The following OR5B3 variants were observed in gnomAD, a reference collection of about 807,000 sequenced individuals.
OR5B3 encodes olfactory receptor family 5 subfamily B member 3.
For missense variants in OR5B3, 430 were observed against 375.4 expected, an observed-to-expected ratio of 1.15 and a Z score of -1.20; for synonymous variants, 150 against 135.0, an observed-to-expected ratio of 1.11 and a Z score of -0.77.
chr11:58,406,199 G>GAGAC (rs10699787), intron 1 of OR5B3, among the ~76,000 whole-genome samples: 48,685 of 151,746 alleles, frequency 0.32, 7,868 homozygotes, highest in Non-Finnish European at 0.36. Flanking sequence ...GAGAGAGAAA[G>GAGAC]AGAGAGAGAG....
In OR5B3 at chr11:58,402,588, C is replaced by T. The variant is rs1042294590; in HGVS notation, c.822G>A (p.Val274=). The T allele has an allele frequency of 2.5e-6, 4 of 1,613,490 alleles. No individual in the cohort carries two copies. In the African/African-American group the frequency reaches 5.3e-5, roughly 22 times the overall value. The part of the protein sequence containing the change: ...HSMDTDKMAP[V]FYTMVIPMLN... Reference sequence around the variant, plus strand: ...GCATGGGGATGACCATTGTATAGAACACAGGTGCCATTTTGTCTGTGTCCA... The same window carrying T: ...GCATGGGGATGACCATTGTATAGAATACAGGTGCCATTTTGTCTGTGTCCA... The change falls in exon 2 of 2, where the codon GTG becomes GTA. Residue 274 remains valine, a synonymous_variant. Transcript: ENST00000641865.
In OR5B3 at chr11:58,402,786, A is replaced by G; in HGVS notation, c.624T>C (p.Ala208=). 1 of 1,613,880 alleles carries G rather than the reference A, an allele frequency of 6.2e-7. No individual in the cohort carries two copies. The highest frequency in any genetic ancestry group is 1.1e-5 in the South Asian group (1 of 91,080). Reference sequence around the variant, plus strand: ...TGTAGGATATCAAGATAACCAGGAGAGCTATAAAGATATTGAAGCTCACAA... The same window carrying G: ...TGTAGGATATCAAGATAACCAGGAGGGCTATAAAGATATTGAAGCTCACAA... ...IYVVSFNIFI[A]LLVILISYTF... is the part of the protein sequence containing the mutation. The change falls in exon 2 of 2, where the codon GCT becomes GCC. Residue 208 remains alanine (A), a synonymous_variant. Transcript: ENST00000641865.
In OR5B3 at chr11:58,403,206, G is replaced by A. The variant is rs1253132287; in HGVS notation, c.204C>T (p.Asp68=). 16 of 1,613,740 alleles carry A rather than the reference G, an allele frequency of 9.9e-6. No individual in the cohort carries two copies. Among genetic ancestry groups the A allele is most frequent in the Non-Finnish European group, 1.4e-5 (16 of 1,179,868 alleles). ...YFFLSNLSLV[D]FCYSSAVTPI... ...GAGTGACAGCTGAAGAGTAGCAAAAGTCCACTAGAGACAAGTTACTGAGAA... is the reference window on the plus strand; with the variant it reads ...GAGTGACAGCTGAAGAGTAGCAAAAATCCACTAGAGACAAGTTACTGAGAA... Residue 68 remains aspartate (D), a synonymous_variant, in exon 2 of 2, where the codon GAC becomes GAT. Coordinates refer to ENST00000641865, the MANE Select transcript of OR5B3 (RefSeq NM_001005469.2).
intron 1 of OR5B3, among the ~76,000 whole-genome samples, chr11:58,404,547 A>G (rs1185886848): frequency 6.6e-6 from 1 of 151,720 alleles, no homozygotes; most frequent in African/African-American, 2.4e-5. Flanking sequence ...CCTCCATGCT[A>G]GGACCACTGA....
chr11:58,402,655 G>A lies in OR5B3; in HGVS notation c.755C>T (p.Thr252Ile). The A allele has an allele frequency of 4.3e-6, 7 of 1,613,950 alleles. No homozygotes were observed. Among genetic ancestry groups the A allele is most frequent in the South Asian group, 2.2e-5 (2 of 91,082 alleles). ...GGGTTGTAAGTACATGAAGATAATA[G>A]TCCCATAGAAGATGCCGACTGCAAT... is the stretch of plus-strand genomic sequence containing the variant. ...HFIAVGIFYG[T>I]IIFMYLQPSS... The change falls in exon 2 of 2, where the codon ACT becomes ATT. Residue 252 changes from threonine to isoleucine, a missense_variant. Physicochemically the swap from Thr to Ile is moderately conservative, Grantham distance 89. Transcript: ENST00000641865.
chr11:58,403,500 A>G, intron 1 of OR5B3, 65 bp from the exon 2 acceptor site: 1 of 715,846 alleles, frequency 1.4e-6, no homozygotes. Flanking sequence ...AAGTATAAGT[A>G]CAATATGTAT....
chr11:58,402,855 G>A lies in OR5B3; in HGVS notation c.555C>T (p.Leu185=), dbSNP rs138099931. Residue 185 remains leucine (L), a synonymous_variant, in exon 2 of 2, where the codon CTC becomes CTT. Transcript: ENST00000641865. ...FFCDIPAVMV[L]SCSDRHISEL... is the part of the protein sequence containing the mutation. ...CGCTAATATGTCTATCAGAGCAAGA[G>A]AGAACCATGACTGCTGGAATATCAC... 23 of 1,613,866 alleles carry A rather than the reference G, an allele frequency of 1.4e-5. No individual in the cohort carries two copies. Among genetic ancestry groups the A allele is most frequent in the Non-Finnish European group, 1.7e-5 (20 of 1,179,904 alleles).
Position 58,403,077 on chromosome 11 carries a change from G to A in OR5B3, c.333C>T (p.Tyr111=), listed in dbSNP as rs1421924537. The A allele has an allele frequency of 4.3e-6, 7 of 1,614,084 alleles. No individual in the cohort carries two copies. The highest frequency in any genetic ancestry group is 5.9e-6 in the Non-Finnish European group (7 of 1,179,968). The stretch of plus-strand genomic sequence containing the variant: ...GGTCATAGGCCATTGAGGCCAAGAG[G>A]TAATTTTCCACAGTGGCAAAAGCTA... The part of the protein sequence containing the change: ...IFVAFATVEN[Y]LLASMAYDRY... The change falls in exon 2 of 2, where the codon TAC becomes TAT. Residue 111 remains tyrosine (Y), a synonymous_variant. Transcript: ENST00000641865.
intron 1 of OR5B3, among the ~76,000 whole-genome samples, chr11:58,404,831 A>T (rs34738097): frequency 0.047 from 7,089 of 152,206 alleles, 220 homozygotes; most frequent in Middle Eastern, 0.092. Flanking sequence ...GTTCCATGTG[A>T]TAAAATATTT....
rs1460189421 is a variant in OR5B3, at chr11:58,403,177, A to G, written c.233T>C (p.Ile78Thr). The change falls in exon 2 of 2, where the codon ATC becomes ACC. Residue 78 changes from isoleucine to threonine, a missense_variant. Transcript: ENST00000641865. ...DFCYSSAVTP[I>T]VMAGFLIEDK... ...TTCTATAAGGAATCCAGCCATGACGATGGGAGTGACAGCTGAAGAGTAGCA... is the reference window on the plus strand; with the variant it reads ...TTCTATAAGGAATCCAGCCATGACGGTGGGAGTGACAGCTGAAGAGTAGCA... 22 of 1,613,852 alleles carry G rather than the reference A, an allele frequency of 1.4e-5. No homozygotes were observed. The highest frequency in any genetic ancestry group is 1.9e-5 in the Non-Finnish European group (22 of 1,179,886).
At position 58,403,207 on chromosome 11, in the gene OR5B3, T is replaced by C. The variant is rs1351007614; in HGVS notation, c.203A>G (p.Asp68Gly). 9 of 1,613,706 alleles carry C rather than the reference T, an allele frequency of 5.6e-6. No homozygotes were observed. The highest frequency in any genetic ancestry group is 7.6e-6 in the Non-Finnish European group (9 of 1,179,866). ...AGTGACAGCTGAAGAGTAGCAAAAG[T>C]CCACTAGAGACAAGTTACTGAGAAA... The part of the protein sequence containing the change: ...YFFLSNLSLV[D>G]FCYSSAVTPI... The change falls in exon 2 of 2, where the codon GAC becomes GGC. Residue 68 changes from aspartate to glycine, a missense_variant. Coordinates refer to ENST00000641865, the MANE Select transcript of OR5B3 (RefSeq NM_001005469.2).
At chr11:58,404,479 G>A (rs1450104819) in intron 1 of OR5B3, among the ~76,000 whole-genome samples, 1 of 151,292 alleles carries the variant, frequency 6.6e-6, no homozygotes. Flanking sequence ...GTGACAAGCA[G>A]GGCTGCAGGC....
intron 1 of OR5B3, among the ~76,000 whole-genome samples, chr11:58,406,507 T>TA (rs1454866324): frequency 2.6e-5 from 4 of 151,906 alleles, no homozygotes; most frequent in Non-Finnish European, 5.9e-5. Context: ...TTTTTTTTTT[T>TA]ACCACTCATG....
chr11:58,404,495 T>G (rs191726506), intron 1 of OR5B3, among the ~76,000 whole-genome samples: 36 of 151,562 alleles, frequency 2.4e-4, no homozygotes, highest in Non-Finnish European at 2.9e-4. Context: ...CAGGCATGGG[T>G]GAGCTTTGAA....
In OR5B3 at chr11:58,403,097, A is replaced by C; in HGVS notation, c.313T>G (p.Phe105Val). Residue 105 changes from phenylalanine to valine, a missense_variant, in exon 2 of 2, where the codon TTT (phenylalanine) becomes GTT (valine). By Grantham distance (50) the Phe-to-Val change is conservative. Coordinates refer to ENST00000641865, the MANE Select transcript of OR5B3 (RefSeq NM_001005469.2). ...CAAQMYIFVA[F>V]ATVENYLLAS... ...AAGAGGTAATTTTCCACAGTGGCAA[A>C]AGCTACAAAGATATACATTTGAGCA... The C allele has an allele frequency of 6.2e-7, 1 of 1,614,160 alleles. No homozygotes were observed. The highest frequency in any genetic ancestry group is 8.5e-7 in the Non-Finnish European group (1 of 1,179,986).
Position 58,403,023 on chromosome 11 carries a change from A to G in OR5B3, c.387T>C (p.His129=), listed in dbSNP as rs1215229633. ...DRYAAVCKPL[H]YTTTMTTTVC... ...CAGTTGTTGTCATGGTTGTGGTGTAATGTAGGGGTTTGCACACTGCTGCAT... is the reference window on the plus strand; with the variant it reads ...CAGTTGTTGTCATGGTTGTGGTGTAGTGTAGGGGTTTGCACACTGCTGCAT... The change falls in exon 2 of 2, where the codon CAT becomes CAC. Residue 129 remains histidine, a synonymous_variant. Transcript: ENST00000641865. 1.9e-6 allele frequency: 3 copies of G among 1,613,946 alleles called. No homozygotes were observed. Among genetic ancestry groups the G allele is most frequent in the East Asian group, 4.5e-5 (2 of 44,894 alleles).
intron 1 of OR5B3, 83 bp from the exon 2 acceptor site, chr11:58,403,518 T>C (rs1855064705): frequency 4.8e-6 from 3 of 620,006 alleles, no homozygotes; most frequent in Admixed American, 3.0e-5. Flanking sequence ...TATTCCTTCA[T>C]TGTAGCAATA....
rs11229411 is a variant in OR5B3 at position 58,402,869 on chromosome 11, C to T, written c.541G>A (p.Ala181Thr). ...TCAGAGCAAGAGAGAACCATGACTG[C>T]TGGAATATCACAGAAAAAGTGATGG... The part of the protein sequence containing the change: ...EVHHFFCDIP[A>T]VMVLSCSDRH... The change falls in exon 2 of 2, where the codon GCA becomes ACA. Residue 181 changes from alanine (A) to threonine (T), a missense_variant. Physicochemically the swap from Ala to Thr is moderately conservative, Grantham distance 58. Transcript: ENST00000641865. The T allele has an allele frequency of 0.35, 559,984 of 1,610,002 alleles. 100,134 individuals carry two copies. The highest frequency in any genetic ancestry group is 0.37 in the Non-Finnish European group (433,824 of 1,176,526).
At chr11:58,404,241 A>T (rs577677508) in intron 1 of OR5B3, among the ~76,000 whole-genome samples, 1 of 151,726 alleles carries the variant, frequency 6.6e-6, no homozygotes, top group African/African-American at 2.4e-5. Flanking sequence ...TCCACGACTT[A>T]CCACCTGGGA....
Sources: allele counts gnomAD v4.1 joint callset (sites outside exome capture counted in the v4.1 genomes callset), GRCh38; gene constraint gnomAD v4.1.1; transcripts MANE v1.5; gene names NCBI Gene and HGNC (gene_info 2026-07-23, HGNC 2026-07-21).